EZR: variants seen among roughly 807,000 people sequenced by gnomAD.
The protein encoded by EZR is ezrin.
In EZR, 40 loss-of-function variants were observed where a neutral mutation model predicts 74.8. That is an observed-to-expected ratio of 0.53 (90% CI 0.42 to 0.70). The LOEUF (loss-of-function observed/expected upper bound fraction) is 0.70, where lower values mean the gene tolerates loss of function less well. Ranked by LOEUF, EZR falls within the 30% of genes least tolerant of loss-of-function variation. EZR has a pLI of 0.00. For synonymous variants in EZR, 341 were observed against 283.3 expected (o/e 1.20, Z -2.05); for missense variants, 678 against 755.8 (o/e 0.90, Z 1.21).
intron 2 of EZR, 130 bp from the exon 3 acceptor site, chr6:158,789,501 T>TC (rs1190044974): frequency 5.8e-6 from 5 of 856,720 alleles, no homozygotes; most frequent in African/African-American, 1.6e-5. Flanking sequence ...CCTGTGCTAG[T>TC]CAGGAAGCCA....
Position 158,789,302 on chromosome 6 carries a change from GT to G in EZR, c.81del (p.Lys27AsnfsTer8). 1 of 1,613,976 alleles carries G rather than the reference GT, an allele frequency of 6.2e-7. No homozygotes were observed. The highest frequency in any genetic ancestry group is 8.5e-7 in the Non-Finnish European group (1 of 1,179,870). The stretch of plus-strand genomic sequence containing the variant: ...CAGAGACCAACCTGATCAAAAAGCT[GT>G]TTTCCAGTTGTATTTGGCTGGATTG... ...EFAIQPNTTG[K>X]QLFDQVVKTI... is the part of the protein sequence containing the mutation. On this transcript the variant is annotated frameshift_variant, in exon 3 of 14. Transcript: ENST00000367075. LOFTEE classifies it high-confidence loss of function.
In EZR at chr6:158,785,431, G is replaced by T. The variant is rs776538879; in HGVS notation, c.345C>A (p.Ile115=). Residue 115 remains isoleucine (I), a synonymous_variant, in exon 5 of 14, where the codon ATC becomes ATA. Transcript: ENST00000367075. ...QVKEGILSDE[I]YCPPETAVLL... The stretch of plus-strand genomic sequence containing the variant: ...GCACGGCAGTCTCAGGGGGGCAGTA[G>T]ATCTCATCGCTAAGGATTCCTTCCT... 6.2e-7 allele frequency: 1 copy of T among 1,614,226 alleles called. No individual in the cohort carries two copies. The highest frequency in any genetic ancestry group is 1.3e-5 in the African/African-American group (1 of 75,056).
At position 158,785,475 on chromosome 6, in the gene EZR, G is replaced by C; in HGVS notation, c.301C>G (p.Leu101Val). The C allele has an allele frequency of 6.2e-7, 1 of 1,614,204 alleles. No homozygotes were observed. The highest frequency in any genetic ancestry group is 1.1e-5 in the South Asian group (1 of 91,086). ...EELIQDITQKLFFLQVKEGIL... is the reference protein window; with the variant it reads ...EELIQDITQKVFFLQVKEGIL... ...CCTTCCTTCACTTGGAGGAAGAAAA[G>C]TTTCTGGGTGATGTCCTGGATGAGC... Residue 101 changes from leucine (L) to valine (V), a missense_variant, in exon 5 of 14, where the codon CTT becomes GTT. Around this residue, in one of 3 missense-constraint regions of EZR, gnomAD observed 217 missense variants for 232.2 expected, o/e 0.93. Coordinates refer to ENST00000367075, the MANE Select transcript of EZR (RefSeq NM_001111077.2).
At chr6:158,814,754 GAT>G (rs1375830997) in intron 2 of EZR, among the ~76,000 whole-genome samples, 1 of 151,990 alleles carries the variant, frequency 6.6e-6, no homozygotes, top group Non-Finnish European at 1.5e-5. Context: ...TGTTGACCAG[GAT>G]AGTCTTGATC....
At chr6:158,817,110 G>A (rs1777574170) in intron 2 of EZR, among the ~76,000 whole-genome samples, 1 of 152,128 alleles carries the variant, frequency 6.6e-6, no homozygotes, top group Middle Eastern at 3.4e-3. Context: ...AGGCACACAA[G>A]CATTGATTAC....
Position 158,817,993 on chromosome 6 carries a change from C to A in EZR, c.12+89G>T, listed in dbSNP as rs373218429. ...CTGCGTGTGAGAAGAACCCTGTTCC[C>A]CAGGAACTGCCCCAACACCTCGAGC... On this transcript the variant is annotated intron_variant, in intron 2 of 13. Transcript: ENST00000367075. 9 of 1,353,066 alleles carry A rather than the reference C, an allele frequency of 6.7e-6. No individual in the cohort carries two copies. The African/African-American group carries it at 1.3e-4, about 20-fold the overall frequency. 83.8% of individuals were successfully genotyped at this position (1,353,066 alleles called of 1,614,324 possible). A position where few individuals can be genotyped will look rare whatever the true frequency, so the allele number is the denominator to read the frequency against.
At position 158,767,399 on chromosome 6, in the gene EZR, C is replaced by G. The variant is rs1790921579; in HGVS notation, c.1458G>C (p.Gln486His). Residue 486 changes from glutamine to histidine, a missense_variant, in exon 13 of 14, where the codon CAG becomes CAC. By Grantham distance (24) the Gln-to-His change is conservative. This residue lies in a region of EZR where 342 missense variants were observed against 341.2 expected (regional missense o/e 1.00). Coordinates refer to ENST00000367075, the MANE Select transcript of EZR (RefSeq NM_001111077.2). The part of the protein sequence containing the change: ...PVYEPVSYHV[Q>H]ESLQDEGAEP... ...CTGCGCCCTCATCCTGCAAGCTCTC[C>G]TGGACATGGTAGCTCACCGGCTCGT... 6.2e-7 allele frequency: 1 copy of G among 1,613,804 alleles called. No homozygotes were observed. The highest frequency in any genetic ancestry group is 8.5e-7 in the Non-Finnish European group (1 of 1,179,906).
chr6:158,778,311 T>C (rs965934775), intron 7 of EZR, among the ~76,000 whole-genome samples: 1 of 152,208 alleles, frequency 6.6e-6, no homozygotes, highest in African/African-American at 2.4e-5. Flanking sequence ...CTTAGAAAAT[T>C]TAGGCCTCCG....
At chr6:158,788,669 G>A (rs960271738) in intron 3 of EZR, among the ~76,000 whole-genome samples, 3 of 150,700 alleles carry the variant, frequency 2.0e-5, no homozygotes, top group East Asian at 1.9e-4. Context: ...AAAAAACAAC[G>A]CTGTATTTGA....
chr6:158,807,271 C>T (rs1300199902), intron 2 of EZR, among the ~76,000 whole-genome samples: 1 of 150,182 alleles, frequency 6.7e-6, no homozygotes, highest in Non-Finnish European at 1.5e-5. Flanking sequence ...GTCCAGATCA[C>T]ACCACTGCAC....
chr6:158,816,166 C>T (rs957162057), intron 2 of EZR, among the ~76,000 whole-genome samples: 2 of 152,092 alleles, frequency 1.3e-5, no homozygotes, highest in Non-Finnish European at 2.9e-5. Context: ...TTGCCAAGGG[C>T]TGGTGGTGGG....
At chr6:158,795,359 G>C (rs958475459) in intron 2 of EZR, among the ~76,000 whole-genome samples, 3 of 152,106 alleles carry the variant, frequency 2.0e-5, no homozygotes, top group Admixed American at 6.5e-5. Flanking sequence ...GGATCTCAAG[G>C]CGAGGAGTTT....
intron 11 of EZR, 50 bp downstream of exon 11, chr6:158,769,734 A>C: frequency 6.2e-7 from 1 of 1,602,190 alleles, no homozygotes; most frequent in Non-Finnish European, 8.5e-7. Flanking sequence ...TTCCATCCTC[A>C]GAAGCAGCCT....
intron 1 of EZR, 117 bp from the exon 2 acceptor site, chr6:158,818,283 G>C (rs6907017): frequency 0.11 from 46,939 of 433,142 alleles, 3,003 homozygotes; most frequent in Middle Eastern, 0.12. Flanking sequence ...CCCGGGCCCG[G>C]GTGAGTCAGC....
chr6:158,767,005 T>TTCTCGTTGTGGATGA lies in EZR; in HGVS notation c.1655_1669dup (p.Ile552_Glu556dup). The TTCTCGTTGTGGATGA allele has an allele frequency of 6.2e-7, 1 of 1,614,220 alleles. No homozygotes were observed. On this transcript the variant is annotated inframe_insertion, in exon 14 of 14. Coordinates refer to ENST00000367075, the MANE Select transcript of EZR (RefSeq NM_001111077.2). ...GTACTTGTCCCGGCCTTGCCTCATG[T>TTCTCGTTGTGGATGA]TCTCGTTGTGGATGATGTCATTGTG...
At position 158,787,148 on chromosome 6, in the gene EZR, T is replaced by A. The variant is rs750213949; in HGVS notation, c.152A>T (p.Asp51Val). The change falls in exon 4 of 14, where the codon GAT becomes GTT. Residue 51 changes from aspartate to valine, a missense_variant. Coordinates refer to ENST00000367075, the MANE Select transcript of EZR (RefSeq NM_001111077.2). ...CAGCCAGGTAGGAAATCCTTTATTA[T>A]CCACATAGTGGAGGCCAAAGTACCA... The part of the protein sequence containing the change: ...EVWYFGLHYV[D>V]NKGFPTWLKL... The A allele has an allele frequency of 1.2e-6, 2 of 1,613,630 alleles. No homozygotes were observed. The highest frequency in any genetic ancestry group is 3.3e-5 in the Admixed American group (2 of 60,006).
chr6:158,768,215 T>C (rs1199342993), intron 12 of EZR, among the ~76,000 whole-genome samples: 1 of 152,014 alleles, frequency 6.6e-6, no homozygotes, highest in Non-Finnish European at 1.5e-5. Context: ...TTTCAGTGTT[T>C]GGCATTACCC....
intron 7 of EZR, among the ~76,000 whole-genome samples, chr6:158,780,577 C>T (rs80097945): frequency 0.031 from 4,683 of 152,234 alleles, 89 homozygotes; most frequent in Middle Eastern, 0.051. Flanking sequence ...CCCAAGCTCC[C>T]CGTGCACCCT....
At position 158,798,627 on chromosome 6, in the gene EZR, T is replaced by G. The variant is rs1346798896; in HGVS notation, c.13-9256A>C. Among the ~76,000 whole-genome samples, 937 of 116,754 alleles carry G rather than the reference T, an allele frequency of 8.0e-3. 20 individuals carry two copies. The highest frequency in any genetic ancestry group is 0.012 in the African/African-American group (378 of 31,600). 76.6% of individuals were successfully genotyped at this position (116,754 alleles called of 152,430 possible). On this transcript the variant is annotated intron_variant, in intron 2 of 13. Coordinates refer to ENST00000367075, the MANE Select transcript of EZR (RefSeq NM_001111077.2). ...GGACTTAGTTTGCTGCTCCGCTTTT[T>G]TTTTTTTTTTTTTTTTTTTTGAGAA...
Sources: gnomAD v4.1 joint callset for allele counts (sites outside exome capture counted in the v4.1 genomes callset) on GRCh38, gnomAD v4.1.1 for gene constraint, gnomAD v4.1.1 regional missense constraint, MANE v1.5 for transcripts, NCBI Gene and HGNC (gene_info 2026-07-23, HGNC 2026-07-21) for gene names.